UBXN7: variants seen among roughly 807,000 people sequenced by gnomAD.
UBXN7 encodes the protein UBX domain-containing protein 7.
Under a neutral mutation model 58.0 loss-of-function variants are expected in UBXN7, and 9 were observed. The ratio of observed to expected loss-of-function variants is 0.16; its 90% CI spans 0.09 to 0.27. UBXN7 has a LOEUF of 0.27. Among genes scored for constraint, UBXN7 ranks in the 10% least tolerant of loss-of-function variants. The pLI, the probability that UBXN7 is intolerant of heterozygous loss-of-function variation, is 1.00. For missense variants in UBXN7, 328 were observed against 599.6 expected (o/e 0.55, Z 4.73); for synonymous variants, 208 against 205.0 (o/e 1.01, Z -0.12).
chr3:196,407,148 T>C (rs1577468604), intron 2 of UBXN7, 98 bp downstream of exon 2: 4 of 1,500,506 alleles, frequency 2.7e-6, no homozygotes, highest in East Asian at 2.3e-5. Context: ...CAGCCTTTCA[T>C]TTATTTCAAA....
chr3:196,372,593 T>G (rs909888191), intron 5 of UBXN7, among the ~76,000 whole-genome samples: 2 of 151,222 alleles, frequency 1.3e-5, no homozygotes, highest in South Asian at 4.2e-4. Context: ...CCGTCCACCT[T>G]GGCCTCCCAA....
intron 1 of UBXN7, among the ~76,000 whole-genome samples, chr3:196,408,872 T>G (rs1291794921): frequency 6.6e-6 from 1 of 152,202 alleles, no homozygotes; most frequent in Non-Finnish European, 1.5e-5. Flanking sequence ...TCACTCTGAT[T>G]TGTCAGGGTG....
At chr3:196,416,878 A>G (rs551825957) in intron 1 of UBXN7, among the ~76,000 whole-genome samples, 2 of 152,280 alleles carry the variant, frequency 1.3e-5, no homozygotes, top group African/African-American at 4.8e-5. Flanking sequence ...GTGTTGATTT[A>G]GAAGAAGAGG....
chr3:196,386,380 T>TAAAAAAAAC (rs1729397919), intron 5 of UBXN7, among the ~76,000 whole-genome samples: 2 of 57,728 alleles, frequency 3.5e-5, no homozygotes, highest in African/African-American at 7.0e-5. Flanking sequence ...TAATAAACAC[T>TAAAAAAAAC]AAAAAAAAAA....
chr3:196,428,913 TG>T (rs1730931834), intron 1 of UBXN7, among the ~76,000 whole-genome samples: 1 of 151,358 alleles, frequency 6.6e-6, no homozygotes. Flanking sequence ...GATGTGCACC[TG>T]TAGCCCCAGT....
At chr3:196,432,289 G>C in intron 1 of UBXN7, 38 bp downstream of exon 1, 1 of 1,611,856 alleles carries the variant, frequency 6.2e-7, no homozygotes, top group Non-Finnish European at 8.5e-7. Flanking sequence ...GCCCGCTCCG[G>C]ACCCCACTCT....
chr3:196,402,296 C>T (rs11718924), intron 3 of UBXN7, among the ~76,000 whole-genome samples: 18,058 of 152,204 alleles, frequency 0.12, 1,411 homozygotes, highest in South Asian at 0.19. Flanking sequence ...GTTGGGATTA[C>T]AGGTGTGAGC....
In UBXN7 at chr3:196,403,096, T is replaced by G; in HGVS notation, c.222-77A>C. 2.2e-6 allele frequency: 3 copies of G among 1,359,262 alleles called. No homozygotes were observed. In the South Asian group the frequency reaches 3.9e-5, roughly 18 times the overall value. The allele number at this position is 1,359,262 out of a possible 1,614,324, so 84.2% of individuals were successfully genotyped here. A position where few individuals can be genotyped will look rare whatever the true frequency, so the allele number is the denominator to read the frequency against. On this transcript the variant is annotated intron_variant, in intron 2 of 10. Transcript: ENST00000296328. Reference sequence around the variant, plus strand: ...GTTTGCTTTCTGTAAATACTGTGAATATATTCAAATTAACGTAGTGACTTT... The same window carrying G: ...GTTTGCTTTCTGTAAATACTGTGAAGATATTCAAATTAACGTAGTGACTTT...
chr3:196,427,171 G>A (rs1577483384), intron 1 of UBXN7, among the ~76,000 whole-genome samples: 2 of 152,230 alleles, frequency 1.3e-5, no homozygotes, highest in Non-Finnish European at 2.9e-5. Context: ...GAATTATTCT[G>A]ATTACACATG....
At chr3:196,406,311 G>A (rs1411904291) in intron 2 of UBXN7, among the ~76,000 whole-genome samples, 1 of 152,052 alleles carries the variant, frequency 6.6e-6, no homozygotes, top group East Asian at 1.9e-4. Flanking sequence ...AGAATTACAG[G>A]CATGAGCCAC....
intron 8 of UBXN7, among the ~76,000 whole-genome samples, chr3:196,366,618 TGTGGTGC>T (rs1355579917): frequency 6.6e-6 from 1 of 151,820 alleles, no homozygotes; most frequent in African/African-American, 2.4e-5. Flanking sequence ...TGTTGCTAGG[TGTGGTGC>T]TCACACCCAG....
chr3:196,413,755 T>C (rs1427697398), intron 1 of UBXN7, among the ~76,000 whole-genome samples: 1 of 152,124 alleles, frequency 6.6e-6, no homozygotes, highest in Non-Finnish European at 1.5e-5. Context: ...CCCTCCAGTA[T>C]CCATGGGGCA....
intron 1 of UBXN7, among the ~76,000 whole-genome samples, chr3:196,421,603 C>T (rs905534928): frequency 6.6e-6 from 1 of 151,630 alleles, no homozygotes; most frequent in Admixed American, 6.6e-5. Flanking sequence ...AACCCCCCCC[C>T]AGTCTCTAGT....
At chr3:196,412,994 G>A (rs908217324) in intron 1 of UBXN7, among the ~76,000 whole-genome samples, 1 of 152,124 alleles carries the variant, frequency 6.6e-6, no homozygotes, top group Non-Finnish European at 1.5e-5. Flanking sequence ...AGGGACGGTG[G>A]TAATGGTTAC....
chr3:196,401,074 C>A lies in UBXN7; in HGVS notation c.289+1878G>T, dbSNP rs534176757. 2.7e-4 allele frequency among the ~76,000 whole-genome samples: 41 copies of A among 150,988 alleles called. No individual in the cohort carries two copies. In the South Asian group the frequency reaches 8.5e-3, roughly 31 times the overall value. ...TATTTCCAAATCTAGACAGTATATT[C>A]TTTTGTTTCTTGCTATAATAAACAC... On this transcript the variant is annotated intron_variant, in intron 3 of 10. Coordinates refer to ENST00000296328, the MANE Select transcript of UBXN7 (RefSeq NM_015562.2).
At chr3:196,366,851 T>C (rs1462465574) in intron 8 of UBXN7, among the ~76,000 whole-genome samples, 1 of 152,074 alleles carries the variant, frequency 6.6e-6, no homozygotes, top group Non-Finnish European at 1.5e-5. Flanking sequence ...ATCACACCAC[T>C]GCACTGCAGC....
intron 5 of UBXN7, among the ~76,000 whole-genome samples, chr3:196,382,878 G>C (rs1423570848): frequency 6.6e-6 from 1 of 152,172 alleles, no homozygotes; most frequent in African/African-American, 2.4e-5. Flanking sequence ...CACTTTGGGA[G>C]GCCAAGGCAG....
chr3:196,390,954 C>A (rs972560821), intron 5 of UBXN7, among the ~76,000 whole-genome samples: 1 of 152,174 alleles, frequency 6.6e-6, no homozygotes, highest in Non-Finnish European at 1.5e-5. Context: ...AAAGAATGAT[C>A]TTTCCTCTGC....
intron 5 of UBXN7, among the ~76,000 whole-genome samples, chr3:196,375,274 G>A (rs1449976254): frequency 1.3e-5 from 2 of 151,146 alleles, no homozygotes; most frequent in African/African-American, 4.9e-5. Context: ...TTGCTTGACT[G>A]TAGTAATCAT....
Sources: allele counts gnomAD v4.1 joint callset (sites outside exome capture counted in the v4.1 genomes callset), GRCh38; gene constraint gnomAD v4.1.1; transcripts MANE v1.5; gene names NCBI Gene and HGNC (gene_info 2026-07-23, HGNC 2026-07-21).